ADGRL2: variants seen among roughly 807,000 people sequenced by gnomAD.
ADGRL2 encodes the protein adhesion G protein-coupled receptor L2, also known as calcium-independent alpha-latrotoxin receptor 2.
ADGRL2 carries 44 observed loss-of-function variants against 157.4 expected under a neutral mutation model. The ratio of observed to expected loss-of-function variants is 0.28; its 90% CI spans 0.22 to 0.36. The LOEUF is 0.36. Ranked by LOEUF, ADGRL2 falls within the 10% of genes least tolerant of loss-of-function variation. ADGRL2 has a pLI of 1.00. For synonymous variants in ADGRL2, 585 were observed against 624.7 expected (o/e 0.94, Z 0.95); for missense variants, 1,510 against 1,768.9 (o/e 0.85, Z 2.63).
intron 1 of ADGRL2, among the ~76,000 whole-genome samples, chr1:81,738,110 C>G (rs1057112847): frequency 6.6e-6 from 1 of 152,124 alleles, no homozygotes; most frequent in Non-Finnish European, 1.5e-5. Context: ...TCCTGCATTA[C>G]AAAAAATGTA....
chr1:81,656,586 G>C lies in ADGRL2; in HGVS notation c.-143+75606G>C, dbSNP rs139097584. Among the ~76,000 whole-genome samples the C allele has an allele frequency of 2.3e-3, 355 of 152,230 alleles. 1 individual carries two copies. Among genetic ancestry groups the C allele is most frequent in the African/African-American group, 8.0e-3 (334 of 41,560 alleles). On this transcript the variant is annotated intron_variant, in intron 3 of 24. Transcript: ENST00000370721. ...ATGTCTTTCAGTCAAAGTTGGCTAA[G>C]GTAATTTTCACTCTGCTATCTACAT...
intron 1 of ADGRL2, among the ~76,000 whole-genome samples, chr1:81,368,238 G>T (rs1233792651): frequency 1.2e-4 from 18 of 152,120 alleles, no homozygotes. Flanking sequence ...GCATGAGATG[G>T]TATCTCATTG....
chr1:81,686,417 G>A (rs1181644064), intron 3 of ADGRL2, among the ~76,000 whole-genome samples: 1 of 152,116 alleles, frequency 6.6e-6, no homozygotes, highest in African/African-American at 2.4e-5. Flanking sequence ...TCTAGTTTAT[G>A]TGTGTAAAGG....
chr1:81,337,383 G>C (rs910597488), intron 1 of ADGRL2, among the ~76,000 whole-genome samples: 1 of 152,170 alleles, frequency 6.6e-6, no homozygotes, highest in Non-Finnish European at 1.5e-5. Context: ...ACAGAGTCCT[G>C]CTCCTGCTGG....
chr1:81,984,811 G>C, intron 20 of ADGRL2, 100 bp downstream of exon 20: 1 of 1,265,806 alleles, frequency 7.9e-7, no homozygotes, highest in Non-Finnish European at 1.1e-6. Flanking sequence ...TCATTATAAT[G>C]ATCTAGATAG....
chr1:81,720,939 A>C (rs183360168), intron 1 of ADGRL2, among the ~76,000 whole-genome samples: 7 of 150,458 alleles, frequency 4.7e-5, no homozygotes, highest in African/African-American at 1.7e-4. Context: ...ATAAATATTC[A>C]TGGGTTCTAA....
chr1:81,381,683 T>A (rs899605854), intron 1 of ADGRL2, among the ~76,000 whole-genome samples: 1 of 152,212 alleles, frequency 6.6e-6, no homozygotes, highest in Non-Finnish European at 1.5e-5. Context: ...AACATGTTAT[T>A]TATGTTCTTC....
At chr1:81,895,269 A>T (rs2094357192) in intron 2 of ADGRL2, among the ~76,000 whole-genome samples, 1 of 152,162 alleles carries the variant, frequency 6.6e-6, no homozygotes, top group Admixed American at 6.5e-5. Context: ...TACACAGGTA[A>T]CTTTATACCT....
At chr1:81,435,431 A>C (rs1305358299) in intron 1 of ADGRL2, among the ~76,000 whole-genome samples, 4 of 152,232 alleles carry the variant, frequency 2.6e-5, no homozygotes, top group African/African-American at 7.2e-5. Flanking sequence ...TAAATTACTT[A>C]ATCAACCAGA....
intron 2 of ADGRL2, among the ~76,000 whole-genome samples, chr1:81,869,316 C>G (rs2150971454): frequency 6.6e-6 from 1 of 151,834 alleles, no homozygotes; most frequent in East Asian, 1.9e-4. Flanking sequence ...AGACCTATTA[C>G]CTGATCAAAG....
At chr1:81,530,548 C>T (rs889076975) in intron 2 of ADGRL2, among the ~76,000 whole-genome samples, 1 of 151,872 alleles carries the variant, frequency 6.6e-6, no homozygotes. Flanking sequence ...GGGGTTTCAC[C>T]ATGTTGCCCA....
chr1:81,504,826 C>A (rs2078935309), intron 2 of ADGRL2, among the ~76,000 whole-genome samples: 2 of 152,182 alleles, frequency 1.3e-5, no homozygotes, highest in Admixed American at 6.5e-5. Flanking sequence ...AGGCTGGGGT[C>A]CTCGCTGGCC....
chr1:81,623,205 T>A (rs1012736661), intron 3 of ADGRL2, among the ~76,000 whole-genome samples: 12 of 152,206 alleles, frequency 7.9e-5, no homozygotes, highest in African/African-American at 2.9e-4. Context: ...CAGCCATAAC[T>A]TGGAACTGAA....
At chr1:81,422,865 G>A (rs950304817) in intron 1 of ADGRL2, among the ~76,000 whole-genome samples, 1 of 152,112 alleles carries the variant, frequency 6.6e-6, no homozygotes, top group African/African-American at 2.4e-5. Flanking sequence ...CAAAATGTTT[G>A]CTTTTGTCCC....
chr1:81,926,650 TA>T (rs780615213), intron 3 of ADGRL2, among the ~76,000 whole-genome samples: 27 of 152,172 alleles, frequency 1.8e-4, no homozygotes, highest in Admixed American at 5.9e-4. Context: ...ACAGAAGCAT[TA>T]TTTTTTTAAG....
At chr1:81,410,639 T>C (rs1320395280) in intron 1 of ADGRL2, among the ~76,000 whole-genome samples, 1 of 152,216 alleles carries the variant, frequency 6.6e-6, no homozygotes, top group East Asian at 1.9e-4. Context: ...TATTAGGTAA[T>C]TGATATGTGG....
intron 1 of ADGRL2, among the ~76,000 whole-genome samples, chr1:81,353,180 A>G (rs1473874260): frequency 6.6e-6 from 1 of 150,606 alleles, no homozygotes; most frequent in African/African-American, 2.4e-5. Context: ...AGACCCTTAC[A>G]TGTAGGCACT....
intron 1 of ADGRL2, among the ~76,000 whole-genome samples, chr1:81,362,538 TA>T (rs746866612): frequency 6.6e-6 from 1 of 151,988 alleles, no homozygotes; most frequent in Non-Finnish European, 1.5e-5. Context: ...AATTTATATG[TA>T]AAATTTTTAA....
At position 81,622,542 on chromosome 1, in the gene ADGRL2, C is replaced by T. The variant is rs527662943; in HGVS notation, c.-143+41562C>T. On this transcript the variant is annotated intron_variant, in intron 3 of 24. Coordinates refer to the ADGRL2 transcript ENST00000370721. Reference sequence around the variant, plus strand: ...GTTTCAGTGAGCCAAGATCGTGCCACTGCACTCCAGCCTGGGCAACAGAGT... The same window carrying T: ...GTTTCAGTGAGCCAAGATCGTGCCATTGCACTCCAGCCTGGGCAACAGAGT... 9.6e-4 allele frequency among the ~76,000 whole-genome samples: 146 copies of T among 152,260 alleles called. 1 individual carries two copies. In the South Asian group the frequency reaches 0.023, roughly 24 times the overall value.
Sources: gnomAD v4.1 joint callset for allele counts (sites outside exome capture counted in the v4.1 genomes callset) on GRCh38, gnomAD v4.1.1 for gene constraint, MANE v1.5 for transcripts, NCBI Gene and HGNC (gene_info 2026-07-23, HGNC 2026-07-21) for gene names.